The following POU3F3 variants were observed in gnomAD, a reference collection of about 807,000 sequenced individuals.
POU3F3 encodes POU class 3 homeobox 3.
A neutral mutation model predicts 8.6 loss-of-function variants in POU3F3; 1 was observed. That is an observed-to-expected ratio of 0.12 (90% confidence interval 0.04 to 0.55). The LOEUF is 0.55. Among genes scored for constraint, POU3F3 ranks in the 20% least tolerant of loss-of-function variants. POU3F3 has a pLI of 0.91. For synonymous variants in POU3F3, 418 were observed against 327.4 expected (o/e 1.28, Z -2.99); for missense variants, 577 against 690.7 (o/e 0.84, Z 1.84).
the POU3F3 span, chr2:104,866,754 A>C: frequency 4.6e-5 from 7 of 152,258 alleles, no homozygotes; most frequent in African/African-American, 1.7e-4. Flanking sequence ...CATATATGAC[A>C]GGGCACATGT....
chr2:104,891,371 AT>A, the POU3F3 span, among the ~76,000 whole-genome samples: 1 of 152,034 alleles, frequency 6.6e-6, no homozygotes, highest in Non-Finnish European at 1.5e-5. Flanking sequence ...ATTAATACAT[AT>A]TTAATATTGA....
chr2:104,895,550 A>G, the POU3F3 span, among the ~76,000 whole-genome samples: 3 of 152,224 alleles, frequency 2.0e-5, no homozygotes, highest in African/African-American at 7.2e-5. Context: ...GATACTACGG[A>G]AGCCACAAAT....
At chr2:104,891,076 A>G in the POU3F3 span, among the ~76,000 whole-genome samples, 1 of 152,168 alleles carries the variant, frequency 6.6e-6, no homozygotes, top group Non-Finnish European at 1.5e-5. Context: ...TGGAGAAAGT[A>G]GGCTCTACCC....
chr2:104,916,692 G>A, the POU3F3 span, among the ~76,000 whole-genome samples: 7 of 152,160 alleles, frequency 4.6e-5, no homozygotes, highest in Non-Finnish European at 8.8e-5. Flanking sequence ...AGCACAGCAA[G>A]TCAATAAAGT....
At position 104,857,149 on chromosome 2, in the gene POU3F3, G is replaced by A; in HGVS notation, c.*136G>A. 1.1e-6 allele frequency: 1 copy of A among 899,328 alleles called. No homozygotes were observed. The highest frequency in any genetic ancestry group is 1.3e-6 in the Non-Finnish European group (1 of 752,204). 55.7% of individuals were successfully genotyped at this position (899,328 alleles called of 1,614,324 possible). ...GCCGCGCCGACCCTGCACCTGGGCC[G>A]CTCCGGGCTCCAGCCCAGGCCCATC... On this transcript the variant is annotated 3_prime_UTR_variant, in exon 1 of 1. Coordinates refer to ENST00000361360, the MANE Select transcript of POU3F3 (RefSeq NM_006236.3).
the POU3F3 span, among the ~76,000 whole-genome samples, chr2:104,917,984 A>C: frequency 6.6e-6 from 1 of 152,244 alleles, no homozygotes; most frequent in East Asian, 1.9e-4. Flanking sequence ...GCTAGCTGCA[A>C]GACAACCTGG....
chr2:104,918,329 T>C, the POU3F3 span, among the ~76,000 whole-genome samples: 1 of 152,182 alleles, frequency 6.6e-6, no homozygotes, highest in Admixed American at 6.5e-5. Context: ...TATAATACAA[T>C]GGAAGAGAAG....
chr2:104,854,873 C>T lies in POU3F3; in HGVS notation c.-638C>T, dbSNP rs1055773342. 1.3e-5 allele frequency among the ~76,000 whole-genome samples: 2 copies of T among 152,164 alleles called. No individual in the cohort carries two copies. Among genetic ancestry groups the T allele is most frequent in the African/African-American group, 4.8e-5 (2 of 41,454 alleles). Reference sequence around the variant, plus strand: ...AGAGGAGAGGAGAGGAGAGAGCGGACAAGAGAAGGAGCGGGCCGGTTGCTG... The same window carrying T: ...AGAGGAGAGGAGAGGAGAGAGCGGATAAGAGAAGGAGCGGGCCGGTTGCTG... On this transcript the variant is annotated 5_prime_UTR_variant, in exon 1 of 1. Transcript: ENST00000361360. This position sits in a 1 kb window ranked among gnomAD's most constrained non-coding sequence, Gnocchi z 4.5.
chr2:104,872,556 C>G, the POU3F3 span: 4 of 319,882 alleles, frequency 1.3e-5, no homozygotes, highest in Non-Finnish European at 2.4e-5. This position sits in a 1 kb window ranked among gnomAD's most constrained non-coding sequence, Gnocchi z 4.6. Flanking sequence ...TCCCGGTCCC[C>G]GAGTTCCCGC....
chr2:104,857,413 T>C lies in POU3F3; in HGVS notation c.*400T>C, dbSNP rs1028432291. 7 of 154,006 alleles carry C rather than the reference T, an allele frequency of 4.5e-5. No homozygotes were observed. In the Admixed American group the frequency reaches 4.6e-4, roughly 10 times the overall value. 9.5% of individuals were successfully genotyped at this position (154,006 alleles called of 1,614,324 possible). ...TGGTGTTTCGTTTTTGTTTTTGTTT[T>C]TAAAGAAGGGTGAAGATGCCTGACG... is the stretch of plus-strand genomic sequence containing the variant. On this transcript the variant is annotated 3_prime_UTR_variant, in exon 1 of 1. Coordinates refer to ENST00000361360, the MANE Select transcript of POU3F3 (RefSeq NM_006236.3).
chr2:104,896,266 A>C, the POU3F3 span, among the ~76,000 whole-genome samples: 102,952 of 152,046 alleles, frequency 0.68, 35,295 homozygotes, highest in East Asian at 0.87. Context: ...CCTGCATGGA[A>C]CTTCTGCCCT....
the POU3F3 span, among the ~76,000 whole-genome samples, chr2:104,891,416 T>C: frequency 6.6e-6 from 1 of 152,190 alleles, no homozygotes; most frequent in Non-Finnish European, 1.5e-5. Flanking sequence ...ATATTGGGTG[T>C]CTTATGCACA....
In POU3F3 at chr2:104,855,552, C is replaced by T. The variant is rs867981341; in HGVS notation, c.42C>T (p.Ser14=). 4 of 1,043,306 alleles carry T rather than the reference C, an allele frequency of 3.8e-6. No individual in the cohort carries two copies. The highest frequency in any genetic ancestry group is 4.6e-6 in the Non-Finnish European group (4 of 864,392). The allele number at this position is 1,043,306 out of a possible 1,614,324, so 64.6% of individuals were successfully genotyped here. ...AASNPYLPGN[S]LLAAGSIVHS... is the part of the protein sequence containing the mutation. ...CTAACCCCTACCTGCCGGGGAACAG[C>T]CTGCTCGCGGCCGGCTCTATTGTGC... is the stretch of plus-strand genomic sequence containing the variant. The change falls in exon 1 of 1, where the codon AGC becomes AGT. Residue 14 remains serine (S), a synonymous_variant. Coordinates refer to ENST00000361360, the MANE Select transcript of POU3F3 (RefSeq NM_006236.3).
At chr2:104,874,964 G>A in the POU3F3 span, among the ~76,000 whole-genome samples, 4 of 151,950 alleles carry the variant, frequency 2.6e-5, no homozygotes, top group African/African-American at 2.4e-5. Context: ...TCTGAAACTC[G>A]CTACTCATTA....
chr2:104,926,402 G>A, the POU3F3 span, among the ~76,000 whole-genome samples: 1 of 152,150 alleles, frequency 6.6e-6, no homozygotes, highest in East Asian at 1.9e-4. Context: ...AAACCACAAT[G>A]AGATACCATC....
chr2:104,890,877 C>T, the POU3F3 span, among the ~76,000 whole-genome samples: 1 of 152,150 alleles, frequency 6.6e-6, no homozygotes. Flanking sequence ...GTAGAATTTT[C>T]CAGGCAGAGT....
chr2:104,868,062 G>T, the POU3F3 span: 5 of 356,522 alleles, frequency 1.4e-5, no homozygotes, highest in South Asian at 1.1e-4. Flanking sequence ...CCCCAGCACC[G>T]GGAGACTGGA....
At chr2:104,881,586 C>A in the POU3F3 span, among the ~76,000 whole-genome samples, 1 of 152,162 alleles carries the variant, frequency 6.6e-6, no homozygotes, top group African/African-American at 2.4e-5. Flanking sequence ...TACACACATA[C>A]ACACACATAG....
the POU3F3 span, among the ~76,000 whole-genome samples, chr2:104,926,783 C>G: frequency 7.2e-5 from 11 of 152,254 alleles, 1 homozygote; most frequent in East Asian, 2.1e-3. Flanking sequence ...AGGATGAGTT[C>G]ATGTTGTTTG....
Sources: gnomAD v4.1 joint callset for allele counts (sites outside exome capture counted in the v4.1 genomes callset) on GRCh38, gnomAD v4.1.1 for gene constraint, Gnocchi (gnomAD v3.1) non-coding constraint, MANE v1.5 for transcripts, NCBI Gene and HGNC (gene_info 2026-07-23, HGNC 2026-07-21) for gene names.